Variants in FOXP2 observed in about 807,000 individuals in gnomAD.
FOXP2 encodes forkhead box protein P2.
FOXP2 carries 12 observed loss-of-function variants against 115.8 expected under a neutral mutation model. The ratio of observed to expected loss-of-function variants is 0.10; its 90% CI spans 0.07 to 0.17. The LOEUF is 0.17. Among genes scored for constraint, FOXP2 ranks in the 10% least tolerant of loss-of-function variants. FOXP2 has a pLI of 1.00. For synonymous variants in FOXP2, 328 were observed against 297.7 expected (o/e 1.10, Z -1.05); for missense variants, 629 against 843.5 (o/e 0.75, Z 3.15).
At chr7:114,563,644 A>C (rs1800859622) in intron 3 of FOXP2, among the ~76,000 whole-genome samples, 1 of 152,216 alleles carries the variant, frequency 6.6e-6, no homozygotes. Context: ...CTGTGGTATT[A>C]CCACTACATA....
intron 1 of FOXP2, among the ~76,000 whole-genome samples, chr7:114,181,216 G>A (rs1793445919): frequency 6.6e-6 from 1 of 151,232 alleles, no homozygotes; most frequent in Non-Finnish European, 1.5e-5. Flanking sequence ...AGATCAGGAT[G>A]ATTCTAAAAT....
intron 1 of FOXP2, among the ~76,000 whole-genome samples, chr7:114,137,201 T>C (rs1328592067): frequency 6.6e-6 from 1 of 152,092 alleles, no homozygotes; most frequent in African/African-American, 2.4e-5. Context: ...GAGGGTATTA[T>C]GGATAGGTTT....
intron 1 of FOXP2, among the ~76,000 whole-genome samples, chr7:114,267,235 C>A (rs77777810): frequency 0.076 from 11,563 of 152,118 alleles, 1,054 homozygotes; most frequent in African/African-American, 0.22. Flanking sequence ...CTAAAGAAAG[C>A]AGCCTTTACT....
At chr7:114,114,291 A>C (rs1196764101) in intron 1 of FOXP2, among the ~76,000 whole-genome samples, 1 of 150,996 alleles carries the variant, frequency 6.6e-6, no homozygotes, top group East Asian at 1.9e-4. Flanking sequence ...ATATATAAAT[A>C]TATATATAAT....
chr7:114,606,050 G>C (rs1489260277), intron 3 of FOXP2, among the ~76,000 whole-genome samples: 2 of 152,156 alleles, frequency 1.3e-5, no homozygotes, highest in Non-Finnish European at 2.9e-5. Flanking sequence ...AAATGACCAA[G>C]AAGGCGTTGG....
chr7:114,547,152 C>A (rs892843018), intron 3 of FOXP2, among the ~76,000 whole-genome samples: 1 of 152,146 alleles, frequency 6.6e-6, no homozygotes, highest in Non-Finnish European at 1.5e-5. Flanking sequence ...TAGGCAGGCT[C>A]TTTATGAAAT....
At position 114,276,460 on chromosome 7, in the gene FOXP2, C is replaced by T. The variant is rs1056480825; in HGVS notation, c.-101-11559C>T. On this transcript the variant is annotated intron_variant, in intron 1 of 17. Transcript: ENST00000634411. ...AATTACAGGTATGAGCCACCACACCCGGCCACTGGCATATTTTTAAATGGT... is the reference window on the plus strand; with the variant it reads ...AATTACAGGTATGAGCCACCACACCTGGCCACTGGCATATTTTTAAATGGT... 4.6e-5 allele frequency among the ~76,000 whole-genome samples: 7 copies of T among 152,174 alleles called. No homozygotes were observed. The East Asian group carries it at 5.8e-4, about 13-fold the overall frequency.
At chr7:114,449,156 A>G (rs537044330) in intron 2 of FOXP2, among the ~76,000 whole-genome samples, 2 of 152,180 alleles carry the variant, frequency 1.3e-5, no homozygotes, top group African/African-American at 2.4e-5. Context: ...TGTGTTTGCT[A>G]TCATTATTAT....
intron 3 of FOXP2, among the ~76,000 whole-genome samples, chr7:114,627,811 A>G (rs1285340209): frequency 6.6e-6 from 1 of 152,156 alleles, no homozygotes; most frequent in Non-Finnish European, 1.5e-5. Context: ...ACTTCCTATT[A>G]TAAGCTCAGT....
rs150036125 is a variant in FOXP2, at chr7:114,294,855, A to C, written c.-11+6746A>C. 6.1e-4 allele frequency among the ~76,000 whole-genome samples: 91 copies of C among 148,882 alleles called. 1 individual carries two copies. The highest frequency in any genetic ancestry group is 1.6e-3 in the African/African-American group (64 of 39,500). On this transcript the variant is annotated intron_variant, in intron 2 of 17. Coordinates refer to the FOXP2 transcript ENST00000634411. ...GACACTGCCTCAAAATAAATAAATA[A>C]ATAAATAAATACATACATACATACA...
intron 3 of FOXP2, among the ~76,000 whole-genome samples, chr7:114,605,486 A>G (rs1803269545): frequency 6.6e-6 from 1 of 152,224 alleles, no homozygotes; most frequent in African/African-American, 2.4e-5. Flanking sequence ...ATGTGTAAAC[A>G]ATAATAATAA....
intron 1 of FOXP2, among the ~76,000 whole-genome samples, chr7:114,136,685 A>G (rs546954138): frequency 7.0e-6 from 1 of 142,350 alleles, no homozygotes; most frequent in South Asian, 2.2e-4. Context: ...TAGCATTCAG[A>G]AAAAAAAAAG....
rs551288077 is a variant in FOXP2 at position 114,611,246 on chromosome 7, C to T, written c.259-17294C>T. ...TTTGTAAATACGGATTTCTACTGAGCCACTTATGTGAACACATTTAAAAAT... is the reference window on the plus strand; with the variant it reads ...TTTGTAAATACGGATTTCTACTGAGTCACTTATGTGAACACATTTAAAAAT... On this transcript the variant is annotated intron_variant, in intron 3 of 16. Coordinates refer to ENST00000350908, the MANE Select transcript of FOXP2 (RefSeq NM_014491.4). 1.6e-4 allele frequency among the ~76,000 whole-genome samples: 24 copies of T among 152,246 alleles called. No individual in the cohort carries two copies. The South Asian group carries it at 5.0e-3, about 32-fold the overall frequency.
At chr7:114,670,237 A>G (rs566697472) in intron 16 of FOXP2, among the ~76,000 whole-genome samples, 1 of 152,172 alleles carries the variant, frequency 6.6e-6, no homozygotes, top group African/African-American at 2.4e-5. Context: ...TTTATATAGA[A>G]CGTTAATATA....
At chr7:114,544,834 C>T (rs1262446571) in intron 3 of FOXP2, among the ~76,000 whole-genome samples, 1 of 152,176 alleles carries the variant, frequency 6.6e-6, no homozygotes, top group African/African-American at 2.4e-5. Flanking sequence ...TTCTCAAAAT[C>T]ATGGCCATCA....
At chr7:114,305,518 T>C (rs985330432) in intron 2 of FOXP2, among the ~76,000 whole-genome samples, 2 of 152,294 alleles carry the variant, frequency 1.3e-5, no homozygotes, top group Non-Finnish European at 2.9e-5. Context: ...CTATCTTAAA[T>C]GACTGTTTAA....
chr7:114,463,783 A>C (rs898902416), intron 2 of FOXP2, among the ~76,000 whole-genome samples: 1 of 152,188 alleles, frequency 6.6e-6, no homozygotes, highest in Non-Finnish European at 1.5e-5. Flanking sequence ...CCTGAATGGT[A>C]AGTCCAGGTA....
In FOXP2 at chr7:114,654,114, A is replaced by G. The variant is rs1000891839; in HGVS notation, c.1266+105A>G. On this transcript the variant is annotated intron_variant, in intron 10 of 16. Coordinates refer to ENST00000350908, the MANE Select transcript of FOXP2 (RefSeq NM_014491.4). ...TAGAAAACAATGAGTGTGATGAAAAATACGGCAATAAAATGAAAGTAAAAT... is the reference window on the plus strand; with the variant it reads ...TAGAAAACAATGAGTGTGATGAAAAGTACGGCAATAAAATGAAAGTAAAAT... 7 of 1,593,098 alleles carry G rather than the reference A, an allele frequency of 4.4e-6. No individual in the cohort carries two copies. In the Admixed American group the frequency reaches 1.0e-4, roughly 23 times the overall value.
chr7:114,559,687 A>G (rs201757179), intron 3 of FOXP2, among the ~76,000 whole-genome samples: 4 of 151,424 alleles, frequency 2.6e-5, no homozygotes, highest in South Asian at 4.2e-4. Flanking sequence ...TCGAGACCAT[A>G]CTGGCTAACA....
Sources: allele counts gnomAD v4.1 joint callset (sites outside exome capture counted in the v4.1 genomes callset), GRCh38; gene constraint gnomAD v4.1.1; transcripts MANE v1.5; gene names NCBI Gene and HGNC (gene_info 2026-07-23, HGNC 2026-07-21).